CLEC2L: variants seen among roughly 807,000 people sequenced by gnomAD.
The protein encoded by CLEC2L is C-type lectin domain family 2 member L.
A neutral mutation model predicts 23.6 loss-of-function variants in CLEC2L; 14 were observed. The observed-to-expected ratio is 0.59, with a 90% CI of 0.39 to 0.93. The LOEUF is 0.93. Among genes scored for constraint, CLEC2L ranks in the 40% least tolerant of loss-of-function variants. The probability of loss-of-function intolerance (pLI) is 0.00; values close to 1 mark genes in which losing one functional copy is unlikely to be tolerated. For missense variants in CLEC2L, 264 were observed against 282.4 expected (o/e 0.93, Z 0.47); for synonymous variants, 114 against 121.3 (o/e 0.94, Z 0.40).
At position 139,544,606 on chromosome 7, in the gene CLEC2L, C is replaced by T. The variant is rs773801945; in HGVS notation, c.*264C>T. ...GCATCTGCCCACCTACACACACACA[C>T]ATGCATAGGTACACGCACGCACAGA... On this transcript the variant is annotated 3_prime_UTR_variant, in exon 5 of 5. Coordinates refer to ENST00000422142, the MANE Select transcript of CLEC2L (RefSeq NM_001080511.4). The T allele has an allele frequency of 2.4e-5, 12 of 507,074 alleles. No individual in the cohort carries two copies. The East Asian group carries it at 4.1e-4, about 17-fold the overall frequency. 31.4% of individuals were successfully genotyped at this position (507,074 alleles called of 1,614,324 possible).
Position 139,539,979 on chromosome 7 carries a change from C to A in CLEC2L, c.266-342C>A. 6.9e-6 allele frequency: 2 copies of A among 289,340 alleles called. No homozygotes were observed. The highest frequency in any genetic ancestry group is 2.2e-5 in the African/African-American group (1 of 46,070). The allele number at this position is 289,340 out of a possible 1,614,324, so 17.9% of individuals were successfully genotyped here. ...GGGCAGTCTGTCCTGCTGTTGGTACCTGGCCTAGCTGGAAGGAGAGGACAC... is the reference window on the plus strand; with the variant it reads ...GGGCAGTCTGTCCTGCTGTTGGTACATGGCCTAGCTGGAAGGAGAGGACAC... On this transcript the variant is annotated intron_variant, in intron 2 of 4. Coordinates refer to ENST00000422142, the MANE Select transcript of CLEC2L (RefSeq NM_001080511.4). The surrounding 1 kb of genome is among the most constrained non-coding windows in gnomAD (Gnocchi z 4.1).
intron 1 of CLEC2L, 89 bp downstream of exon 1, chr7:139,524,206 C>T: frequency 1.0e-6 from 1 of 995,862 alleles, no homozygotes; most frequent in Non-Finnish European, 1.2e-6. Context: ...TCACCTTGGC[C>T]GCTGTCCCGG....
chr7:139,530,235 G>C (rs58025717), intron 1 of CLEC2L, among the ~76,000 whole-genome samples: 4 of 151,868 alleles, frequency 2.6e-5, no homozygotes, highest in Admixed American at 2.6e-4. Flanking sequence ...TTTTTAAAAG[G>C]CCATAAGGAC....
chr7:139,541,019 C>CT (rs1030055495), intron 3 of CLEC2L, among the ~76,000 whole-genome samples: 4 of 151,430 alleles, frequency 2.6e-5, no homozygotes, highest in Non-Finnish European at 5.9e-5. Flanking sequence ...CTTTGTCTCT[C>CT]TTTTTTTTTG....
rs149440974 is a variant in CLEC2L, at chr7:139,524,678, C to A, written c.190+561C>A. 2.6e-5 allele frequency among the ~76,000 whole-genome samples: 4 copies of A among 152,148 alleles called. 1 individual carries two copies. Reference sequence around the variant, plus strand: ...CCATCAGACTGCCTCAGGGAGGGACCCCTGGCCTGCCTCCGGGGCAGTAAC... The same window carrying A: ...CCATCAGACTGCCTCAGGGAGGGACACCTGGCCTGCCTCCGGGGCAGTAAC... On this transcript the variant is annotated intron_variant, in intron 1 of 4. Transcript: ENST00000422142.
rs1178306320 is a variant in CLEC2L at position 139,539,251 on chromosome 7, A to T, written c.266-1070A>T. ...GAAATCAAGATTAAAATGTATCTTG[A>T]ATAACTCAAATGATGAGCCAAAGTG... On this transcript the variant is annotated intron_variant, in intron 2 of 4. Coordinates refer to ENST00000422142, the MANE Select transcript of CLEC2L (RefSeq NM_001080511.4). This position sits in a 1 kb window ranked among gnomAD's most constrained non-coding sequence, Gnocchi z 4.1. 6.6e-6 allele frequency: 1 copy of T among 152,246 alleles called. No homozygotes were observed. The highest frequency in any genetic ancestry group is 1.5e-5 in the Non-Finnish European group (1 of 68,048). The allele number at this position is 152,246 out of a possible 1,614,324, so 9.4% of individuals were successfully genotyped here. A position where few individuals can be genotyped will look rare whatever the true frequency, so the allele number is the denominator to read the frequency against.
intron 1 of CLEC2L, among the ~76,000 whole-genome samples, chr7:139,529,164 C>A (rs1205338374): frequency 5.9e-5 from 9 of 152,186 alleles, no homozygotes; most frequent in Non-Finnish European, 1.3e-4. Context: ...GGCTGATGGT[C>A]ATCATCACAC....
intron 2 of CLEC2L, 91 bp downstream of exon 2, chr7:139,536,439 T>G: frequency 1.8e-6 from 2 of 1,123,948 alleles, no homozygotes; most frequent in Non-Finnish European, 2.6e-6. Context: ...TTCTAGACAT[T>G]CCAAGAATCC....
rs1569428906 is a variant in CLEC2L at position 139,544,335 on chromosome 7, A to G, written c.638A>G (p.Tyr213Cys). The change falls in exon 5 of 5, where the codon TAT (tyrosine) becomes TGT (cysteine). Residue 213 changes from tyrosine to cysteine, a missense_variant. Transcript: ENST00000422142. ...TRPWVCSKMAYT is the reference protein window; with the variant it reads ...TRPWVCSKMACT The stretch of plus-strand genomic sequence containing the variant: ...CCCTGGGTGTGCAGCAAGATGGCCT[A>G]TACTTGAGGTGGGTGGGGCCAGAGG... 4 of 1,609,738 alleles carry G rather than the reference A, an allele frequency of 2.5e-6. No individual in the cohort carries two copies. Among genetic ancestry groups the G allele is most frequent in the Admixed American group, 1.7e-5 (1 of 59,654 alleles).
intron 1 of CLEC2L, among the ~76,000 whole-genome samples, chr7:139,526,373 G>A (rs746803768): frequency 9.9e-5 from 15 of 152,086 alleles, no homozygotes; most frequent in Non-Finnish European, 1.3e-4. Flanking sequence ...CGGGTCTGGC[G>A]GACCCAGACG....
chr7:139,534,958 T>C (rs76895672), intron 1 of CLEC2L, among the ~76,000 whole-genome samples: 1 of 144,632 alleles, frequency 6.9e-6, no homozygotes, highest in Admixed American at 6.7e-5. Context: ...AAGTGTTCTT[T>C]AGTAAAAAAA....
intron 2 of CLEC2L, among the ~76,000 whole-genome samples, chr7:139,537,980 A>C (rs1434232723): frequency 6.6e-6 from 1 of 152,218 alleles, no homozygotes; most frequent in Admixed American, 6.5e-5. Flanking sequence ...GGGTTTGCAA[A>C]AATGATTTTA....
At chr7:139,530,335 G>A (rs1797563640) in intron 1 of CLEC2L, among the ~76,000 whole-genome samples, 1 of 152,228 alleles carries the variant, frequency 6.6e-6, no homozygotes, top group Non-Finnish European at 1.5e-5. Context: ...AGAAAGTCCA[G>A]AGAGCAGAGG....
chr7:139,530,339 G>A (rs1162434366), intron 1 of CLEC2L, among the ~76,000 whole-genome samples: 4 of 152,228 alleles, frequency 2.6e-5, no homozygotes, highest in African/African-American at 9.6e-5. Flanking sequence ...AGTCCAGAGA[G>A]CAGAGGAGTT....
At chr7:139,533,725 T>C (rs1284644587) in intron 1 of CLEC2L, among the ~76,000 whole-genome samples, 2 of 152,228 alleles carry the variant, frequency 1.3e-5, no homozygotes, top group African/African-American at 4.8e-5. Flanking sequence ...AGACTATCTT[T>C]GGTGAAGGAA....
At position 139,540,300 on chromosome 7, in the gene CLEC2L, G is replaced by A. The variant is rs754421882; in HGVS notation, c.266-21G>A. On this transcript the variant is annotated intron_variant, in intron 2 of 4. Coordinates refer to ENST00000422142, the MANE Select transcript of CLEC2L (RefSeq NM_001080511.4). This position sits in a 1 kb window ranked among gnomAD's most constrained non-coding sequence, Gnocchi z 5.8. ...TCGGGCTGGGGGGGCGGGCAGGGCC[G>A]AGCTGGTCTCTTCCCTGCAGCTTCC... The A allele has an allele frequency of 1.1e-5, 17 of 1,590,766 alleles. No individual in the cohort carries two copies. Among genetic ancestry groups the A allele is most frequent in the African/African-American group, 2.7e-5 (2 of 74,434 alleles).
At chr7:139,536,897 C>T (rs1027675238) in intron 2 of CLEC2L, among the ~76,000 whole-genome samples, 1 of 149,752 alleles carries the variant, frequency 6.7e-6, no homozygotes, top group African/African-American at 2.5e-5. Flanking sequence ...ATCGCTGGAA[C>T]CTGGGAGGCA....
At chr7:139,541,015 C>T (rs900202779) in intron 3 of CLEC2L, among the ~76,000 whole-genome samples, 1 of 152,108 alleles carries the variant, frequency 6.6e-6, no homozygotes, top group Non-Finnish European at 1.5e-5. Context: ...AAGACTTTGT[C>T]TCTCTTTTTT....
At chr7:139,524,597 G>A (rs1797479875) in intron 1 of CLEC2L, among the ~76,000 whole-genome samples, 1 of 151,852 alleles carries the variant, frequency 6.6e-6, no homozygotes, top group African/African-American at 2.4e-5. Context: ...GCAGGGCAGG[G>A]GTGGAGAATC....
Sources: gnomAD v4.1 joint callset for allele counts (sites outside exome capture counted in the v4.1 genomes callset) on GRCh38, gnomAD v4.1.1 for gene constraint, Gnocchi (gnomAD v3.1) non-coding constraint, MANE v1.5 for transcripts, NCBI Gene and HGNC (gene_info 2026-07-23, HGNC 2026-07-21) for gene names.